The following ATP8B4 variants were observed in gnomAD, a reference collection of about 807,000 sequenced individuals.
The protein encoded by ATP8B4 is probable phospholipid-transporting ATPase IM.
In ATP8B4, 133 loss-of-function variants were observed where a neutral mutation model predicts 145.6. The observed-to-expected ratio is 0.91, with a 90% CI of 0.79 to 1.05. The LOEUF (loss-of-function observed/expected upper bound fraction) is 1.05. Ranked by LOEUF, ATP8B4 falls within the 50% of genes least tolerant of loss-of-function variation. The probability of loss-of-function intolerance (pLI) is 0.00; values close to 1 mark genes in which losing one functional copy is unlikely to be tolerated. For missense variants in ATP8B4, 1,458 were observed against 1,425.2 expected (o/e 1.02, Z -0.37); for synonymous variants, 507 against 492.9 (o/e 1.03, Z -0.38).
At chr15:49,952,843 A>AT (rs1332695193) in intron 14 of ATP8B4, among the ~76,000 whole-genome samples, 4 of 151,826 alleles carry the variant, frequency 2.6e-5, no homozygotes, top group South Asian at 4.2e-4. Flanking sequence ...AGTTTGTCTC[A>AT]TTTTGGTCTT....
At chr15:50,033,689 G>A (rs1210368718) in intron 6 of ATP8B4, among the ~76,000 whole-genome samples, 1 of 152,150 alleles carries the variant, frequency 6.6e-6, no homozygotes, top group African/African-American at 2.4e-5. Context: ...TCAATAGGTA[G>A]TTTTCCAATC....
intron 2 of ATP8B4, among the ~76,000 whole-genome samples, chr15:50,086,700 C>A (rs2055133888): frequency 2.3e-5 from 2 of 86,082 alleles, no homozygotes; most frequent in African/African-American, 5.9e-5. Flanking sequence ...TAATAGAGAT[C>A]TATATTATTA....
chr15:50,114,650 C>A (rs1042970554), intron 1 of ATP8B4: 11 of 152,356 alleles, frequency 7.2e-5, no homozygotes, highest in African/African-American at 2.6e-4. Flanking sequence ...CAAGCAAGTT[C>A]CCCTCCCTTC....
intron 2 of ATP8B4, among the ~76,000 whole-genome samples, chr15:50,084,950 C>T (rs1245027128): frequency 2.0e-5 from 3 of 152,186 alleles, no homozygotes; most frequent in Non-Finnish European, 2.9e-5. Flanking sequence ...CACAAAGTTC[C>T]TTTTGCCTTG....
rs2046732296 is a variant in ATP8B4, at chr15:49,987,657, G to A, written c.590-108C>T. 8 of 1,133,420 alleles carry A rather than the reference G, an allele frequency of 7.1e-6. No homozygotes were observed. The South Asian group carries it at 1.4e-4, about 19-fold the overall frequency. The allele number at this position is 1,133,420 out of a possible 1,614,324, so 70.2% of individuals were successfully genotyped here. On this transcript the variant is annotated intron_variant, in intron 9 of 27. Transcript: ENST00000284509. ...GTTTCCCTCTCCTTTAGACAGCCTG[G>A]GGTTACATATAAAGAATTGTGCTAG...
At position 49,860,205 on chromosome 15, in the gene ATP8B4, C is replaced by T. The variant is rs1223651283; in HGVS notation, c.3568G>A (p.Val1190Met). ...AAATTCATATTGACTCACAGTTTCA[C>T]TGTTTTATCCTGGCTAAAGCTGCTC... ...TVSSFSQDKT[V>M]KL is the part of the protein sequence containing the mutation. Residue 1190 changes from valine (V) to methionine (M), a missense_variant, in exon 28 of 28, where the codon GTG becomes ATG. Physicochemically the swap from Val to Met is conservative, Grantham distance 21. Coordinates refer to ENST00000284509, the MANE Select transcript of ATP8B4 (RefSeq NM_024837.4). 2.5e-5 allele frequency: 40 copies of T among 1,608,864 alleles called. No individual in the cohort carries two copies. The highest frequency in any genetic ancestry group is 8.9e-5 in the East Asian group (4 of 44,762).
intron 6 of ATP8B4, among the ~76,000 whole-genome samples, chr15:50,011,121 G>T (rs72734857): frequency 0.19 from 28,500 of 151,908 alleles, 2,973 homozygotes; most frequent in East Asian, 0.29. Flanking sequence ...AGTGAGTTAG[G>T]GGTACTCCTG....
At chr15:50,116,462 T>A (rs1006603364) in intron 1 of ATP8B4, among the ~76,000 whole-genome samples, 3 of 152,138 alleles carry the variant, frequency 2.0e-5, no homozygotes, top group African/African-American at 7.2e-5. Context: ...AGTTTGAACA[T>A]GTGGGCTTAA....
At chr15:49,873,876 C>T (rs1036590486) in intron 25 of ATP8B4, among the ~76,000 whole-genome samples, 1 of 152,202 alleles carries the variant, frequency 6.6e-6, no homozygotes, top group Non-Finnish European at 1.5e-5. Flanking sequence ...CTGCTGGACT[C>T]AGCACAGGAG....
At chr15:49,884,783 G>A (rs1472811073) in intron 23 of ATP8B4, among the ~76,000 whole-genome samples, 1 of 152,082 alleles carries the variant, frequency 6.6e-6, no homozygotes, top group African/African-American at 2.4e-5. Flanking sequence ...CACAGCAGGT[G>A]AGTGGCAGGC....
In ATP8B4 at chr15:50,043,813, C is replaced by T. The variant is rs570395041; in HGVS notation, c.300+781G>A. Reference sequence around the variant, plus strand: ...CTAAAAATACAAAAAATTAGCCGGGCGCGGTGGCGGGCGCCTGTGGTCCCA... The same window carrying T: ...CTAAAAATACAAAAAATTAGCCGGGTGCGGTGGCGGGCGCCTGTGGTCCCA... On this transcript the variant is annotated intron_variant, in intron 5 of 27. Coordinates refer to ENST00000284509, the MANE Select transcript of ATP8B4 (RefSeq NM_024837.4). Among the ~76,000 whole-genome samples, 18 of 151,394 alleles carry T rather than the reference C, an allele frequency of 1.2e-4. No homozygotes were observed. In the South Asian group the frequency reaches 3.8e-3, roughly 32 times the overall value.
In ATP8B4 at chr15:49,897,412, A is replaced by G; in HGVS notation, c.2577T>C (p.Leu859=). ...GGAAATAAGACCACCTTCCATGAACAAGGAGAAGCCTTTGGAGATATCTAA... is the reference window on the plus strand; with the variant it reads ...GGAAATAAGACCACCTTCCATGAACGAGGAGAAGCCTTTGGAGATATCTAA... ...AQFRYLQRLL[L]VHGRWSYFRM... Residue 859 remains leucine (L), a synonymous_variant, in exon 23 of 28, where the codon CTT becomes CTC. Transcript: ENST00000284509. The G allele has an allele frequency of 6.2e-7, 1 of 1,613,972 alleles. No individual in the cohort carries two copies. The highest frequency in any genetic ancestry group is 8.5e-7 in the Non-Finnish European group (1 of 1,179,862).
At chr15:50,174,789 A>T (rs1386789087) in intron 1 of ATP8B4, among the ~76,000 whole-genome samples, 1 of 152,180 alleles carries the variant, frequency 6.6e-6, no homozygotes, top group Non-Finnish European at 1.5e-5. Context: ...TTAGAAAAAA[A>T]ACAATTCTAA....
rs141037209 is a variant in ATP8B4, at chr15:49,898,155, C to T, written c.2386G>A (p.Ala796Thr). 2.9e-5 allele frequency: 47 copies of T among 1,613,802 alleles called. No individual in the cohort carries two copies. The African/African-American group carries it at 3.5e-4, about 12-fold the overall frequency. Reference sequence around the variant, plus strand: ...TTCTTCACCAGCTCTACCACTTGGGCTTTCTGGAGTGGAGTGACCCTGCAG... The same window carrying T: ...TTCTTCACCAGCTCTACCACTTGGGTTTTCTGGAGTGGAGTGACCCTGCAG... ...ICCRVTPLQK[A>T]QVVELVKKYR... is the part of the protein sequence containing the mutation. The change falls in exon 22 of 28, where the codon GCC becomes ACC. Residue 796 changes from alanine (A) to threonine (T), a missense_variant. Transcript: ENST00000284509.
intron 6 of ATP8B4, among the ~76,000 whole-genome samples, chr15:50,020,763 T>A (rs1417642215): frequency 6.6e-6 from 1 of 152,098 alleles, no homozygotes; most frequent in East Asian, 1.9e-4. Flanking sequence ...TACACCAACA[T>A]ATTGCCTCTG....
At chr15:49,871,503 T>C (rs62020396) in intron 25 of ATP8B4, among the ~76,000 whole-genome samples, 8,470 of 152,260 alleles carry the variant, frequency 0.056, 340 homozygotes, top group Middle Eastern at 0.11. Flanking sequence ...GAGGAGCAAG[T>C]ATAATGCATG....
At chr15:49,949,023 C>T (rs537250152) in intron 14 of ATP8B4, among the ~76,000 whole-genome samples, 1 of 152,138 alleles carries the variant, frequency 6.6e-6, no homozygotes, top group East Asian at 1.9e-4. Flanking sequence ...CCCCATTAGT[C>T]TATATGTTTG....
At chr15:49,889,775 A>G (rs1242410243) in intron 23 of ATP8B4, among the ~76,000 whole-genome samples, 1 of 152,256 alleles carries the variant, frequency 6.6e-6, no homozygotes, top group Non-Finnish European at 1.5e-5. Context: ...GAAACAGCAC[A>G]TGTCACTTCA....
At chr15:50,011,251 G>T (rs1030751577) in intron 6 of ATP8B4, among the ~76,000 whole-genome samples, 2 of 152,142 alleles carry the variant, frequency 1.3e-5, no homozygotes, top group East Asian at 3.8e-4. Context: ...TTTCCAACTC[G>T]ATTGATAAAT....
Sources: gnomAD v4.1 joint callset for allele counts (sites outside exome capture counted in the v4.1 genomes callset) on GRCh38, gnomAD v4.1.1 for gene constraint, MANE v1.5 for transcripts, NCBI Gene and HGNC (gene_info 2026-07-23, HGNC 2026-07-21) for gene names.